The following GRM7 variants were observed in gnomAD, a reference collection of about 807,000 sequenced individuals.
GRM7 encodes glutamate metabotropic receptor 7, also known as metabotropic glutamate receptor 7.
GRM7 carries 35 observed loss-of-function variants against 84.5 expected under a neutral mutation model. The observed-to-expected ratio is 0.41, with a 90% CI of 0.32 to 0.55. The LOEUF (loss-of-function observed/expected upper bound fraction) is 0.55, where lower values mean the gene tolerates loss of function less well. GRM7 is among the 20% of genes least tolerant of loss of function. GRM7 has a pLI of 0.19. For missense variants in GRM7, 1,003 were observed against 1,194.6 expected (o/e 0.84, Z 2.36); for synonymous variants, 487 against 455.1 (o/e 1.07, Z -0.89).
intron 7 of GRM7, among the ~76,000 whole-genome samples, chr3:7,556,524 A>G (rs1419220565): frequency 6.6e-6 from 1 of 152,108 alleles, no homozygotes; most frequent in Non-Finnish European, 1.5e-5. Context: ...CTCTGTTGTA[A>G]ATAGCCATTA....
At chr3:7,278,565 T>C (rs1365739134) in intron 2 of GRM7, among the ~76,000 whole-genome samples, 1 of 152,184 alleles carries the variant, frequency 6.6e-6, no homozygotes, top group Non-Finnish European at 1.5e-5. Flanking sequence ...GGTGTTTCAA[T>C]TGATTCATAT....
At chr3:7,175,886 T>C (rs897048911) in intron 2 of GRM7, among the ~76,000 whole-genome samples, 2 of 152,112 alleles carry the variant, frequency 1.3e-5, no homozygotes, top group Non-Finnish European at 2.9e-5. Context: ...AAACAAAAAT[T>C]CTGCTAGAGG....
intron 2 of GRM7, among the ~76,000 whole-genome samples, chr3:7,223,901 A>T (rs58372031): frequency 0.028 from 4,281 of 152,148 alleles, 198 homozygotes; most frequent in African/African-American, 0.097. Context: ...TCTATCACTC[A>T]CTTTTCTTGT....
At chr3:7,172,305 C>T (rs149679822) in intron 2 of GRM7, among the ~76,000 whole-genome samples, 2 of 152,146 alleles carry the variant, frequency 1.3e-5, no homozygotes, top group Non-Finnish European at 2.9e-5. Context: ...AACCACATTC[C>T]TCTAGGTTTT....
At chr3:7,038,671 GC>G (rs1296188250) in intron 1 of GRM7, among the ~76,000 whole-genome samples, 40 of 152,294 alleles carry the variant, frequency 2.6e-4, no homozygotes, top group African/African-American at 9.4e-4. Flanking sequence ...CCTGGAGCCT[GC>G]CACACAATGA....
rs1466965504 is a variant in GRM7 at position 7,188,037 on chromosome 3, G to C, written c.736+41369G>C. On this transcript the variant is annotated intron_variant, in intron 2 of 9. Transcript: ENST00000357716. This position sits in a 1 kb window ranked among gnomAD's most constrained non-coding sequence, Gnocchi z 4.2. ...GGAGCTCAAAAGAAAGGCAAACCTA[G>C]AAGGATTCGAGTTCCCTGGTGAGTT... Among the ~76,000 whole-genome samples, 1 of 152,108 alleles carries C rather than the reference G, an allele frequency of 6.6e-6. No individual in the cohort carries two copies. Among genetic ancestry groups the C allele is most frequent in the Non-Finnish European group, 1.5e-5 (1 of 68,018 alleles).
intron 7 of GRM7, among the ~76,000 whole-genome samples, chr3:7,480,492 A>G (rs951921078): frequency 3.9e-5 from 6 of 152,216 alleles, no homozygotes; most frequent in African/African-American, 1.4e-4. Flanking sequence ...TCTGAGATTT[A>G]CCATCAAAGT....
chr3:7,492,334 T>TAAA (rs1314835919), intron 7 of GRM7, among the ~76,000 whole-genome samples: 1 of 152,180 alleles, frequency 6.6e-6, no homozygotes, highest in Non-Finnish European at 1.5e-5. Context: ...CATCTGCACC[T>TAAA]AAAAGTTCAC....
intron 4 of GRM7, among the ~76,000 whole-genome samples, chr3:7,369,605 C>T (rs1467426984): frequency 6.6e-6 from 1 of 152,072 alleles, no homozygotes; most frequent in African/African-American, 2.4e-5. Flanking sequence ...GAGCAATAAG[C>T]AATTATTGTC....
chr3:7,061,466 T>C (rs1452495286), intron 1 of GRM7, among the ~76,000 whole-genome samples: 1 of 151,738 alleles, frequency 6.6e-6, no homozygotes, highest in Admixed American at 6.6e-5. Context: ...GCTTCCATGG[T>C]AGTAAGCTGG....
At chr3:7,393,180 C>T (rs756456656) in intron 4 of GRM7, among the ~76,000 whole-genome samples, 2 of 152,126 alleles carry the variant, frequency 1.3e-5, no homozygotes, top group Non-Finnish European at 1.5e-5. Context: ...GCCCCTTCTC[C>T]CCTGTCTCTC....
chr3:7,366,990 C>G (rs1189806087), intron 4 of GRM7, among the ~76,000 whole-genome samples: 1 of 151,110 alleles, frequency 6.6e-6, no homozygotes, highest in Non-Finnish European at 1.5e-5. Context: ...TATACTCTGA[C>G]TATTAATTAC....
chr3:6,949,133 G>A (rs1163878580), intron 1 of GRM7, among the ~76,000 whole-genome samples: 2 of 152,146 alleles, frequency 1.3e-5, no homozygotes, highest in Non-Finnish European at 2.9e-5. Flanking sequence ...ATTAGTTGAT[G>A]CAGTTTATTC....
intron 2 of GRM7, among the ~76,000 whole-genome samples, chr3:7,191,218 C>G (rs1695701131): frequency 6.6e-6 from 1 of 152,086 alleles, no homozygotes; most frequent in East Asian, 1.9e-4. Flanking sequence ...TTTACCTCAT[C>G]CTTCACTCCT....
chr3:7,285,414 A>G (rs1340683145), intron 2 of GRM7, among the ~76,000 whole-genome samples: 1 of 152,080 alleles, frequency 6.6e-6, no homozygotes, highest in Non-Finnish European at 1.5e-5. Context: ...CTGTGTTGTT[A>G]TCGTGTGTTT....
Position 7,657,853 on chromosome 3 carries a change from G to A in GRM7, c.2452-22196G>A, listed in dbSNP as rs577623188. On this transcript the variant is annotated intron_variant, in intron 8 of 9. Coordinates refer to ENST00000357716, the MANE Select transcript of GRM7 (RefSeq NM_000844.4). ...TAAGTTTCAGTCCTGGCCAATGAGA[G>A]TTGGAGCACTGGTCTCAATATACTG... Among the ~76,000 whole-genome samples the A allele has an allele frequency of 2.6e-5, 4 of 152,214 alleles. 1 individual carries two copies. Among genetic ancestry groups the A allele is most frequent in the African/African-American group, 9.6e-5 (4 of 41,548 alleles).
chr3:7,484,062 A>C (rs1167266560), intron 7 of GRM7, among the ~76,000 whole-genome samples: 1 of 152,214 alleles, frequency 6.6e-6, no homozygotes, highest in Admixed American at 6.5e-5. Flanking sequence ...ATCTGATTCT[A>C]TAATTAGTTT....
intron 4 of GRM7, among the ~76,000 whole-genome samples, chr3:7,325,636 C>G (rs1056576184): frequency 1.3e-5 from 2 of 152,188 alleles, no homozygotes; most frequent in Non-Finnish European, 2.9e-5. Flanking sequence ...GAGTACCAAA[C>G]TGTCCAGCAC....
intron 1 of GRM7, among the ~76,000 whole-genome samples, chr3:6,991,414 G>T (rs1316849660): frequency 6.6e-6 from 1 of 152,144 alleles, no homozygotes; most frequent in Non-Finnish European, 1.5e-5. Flanking sequence ...AAAAAAATGT[G>T]AACGTTGCAA....
Sources: gnomAD v4.1 joint callset for allele counts (sites outside exome capture counted in the v4.1 genomes callset) on GRCh38, gnomAD v4.1.1 for gene constraint, Gnocchi (gnomAD v3.1) non-coding constraint, MANE v1.5 for transcripts, NCBI Gene and HGNC (gene_info 2026-07-23, HGNC 2026-07-21) for gene names.